The following TOP2B variants were observed in gnomAD, a reference collection of about 807,000 sequenced individuals.
TOP2B encodes DNA topoisomerase II beta, also known as DNA topoisomerase 2-beta.
In TOP2B, 51 loss-of-function variants were observed where a neutral mutation model predicts 193.5. The observed-to-expected ratio is 0.26, with a 90% CI of 0.21 to 0.33. TOP2B has a LOEUF of 0.33. Among genes scored for constraint, TOP2B ranks in the 10% least tolerant of loss-of-function variants. The pLI is 1.00. For missense variants in TOP2B, 1,378 were observed against 1,909.3 expected, an observed-to-expected ratio of 0.72 and a Z score of 5.19; for synonymous variants, 634 against 635.7, an observed-to-expected ratio of 1.00 and a Z score of 0.04.
intron 10 of TOP2B, 42 bp from the exon 11 acceptor site, chr3:25,630,981 T>C: frequency 6.5e-7 from 1 of 1,529,298 alleles, no homozygotes; most frequent in Non-Finnish European, 8.7e-7. Context: ...AGCTGAAAAT[T>C]CATACATTTA....
At chr3:25,621,527 A>C (rs569075534) in intron 21 of TOP2B, among the ~76,000 whole-genome samples, 3 of 152,076 alleles carry the variant, frequency 2.0e-5, no homozygotes, top group Non-Finnish European at 4.4e-5. Flanking sequence ...ATGTCCAGCT[A>C]ATTTTTGTAT....
Position 25,612,495 on chromosome 3 carries a change from T to A in TOP2B, c.3786+20A>T, listed in dbSNP as rs1483074687. On this transcript the variant is annotated intron_variant, in intron 28 of 35. Coordinates refer to ENST00000264331, the MANE Select transcript of TOP2B (RefSeq NM_001330700.2). The stretch of plus-strand genomic sequence containing the variant: ...TTCATTATAGAAATGAGTCTATCAA[T>A]GACAAGAGGTATGTCATACCTTCTT... The A allele has an allele frequency of 3.8e-6, 6 of 1,560,826 alleles. No homozygotes were observed. The highest frequency in any genetic ancestry group is 1.8e-5 in the Admixed American group (1 of 54,778).
chr3:25,600,978 T>C (rs1702076834), intron 34 of TOP2B, 122 bp downstream of exon 34: 1 of 965,562 alleles, frequency 1.0e-6, no homozygotes, highest in South Asian at 1.7e-5. Flanking sequence ...CACTGCTTAC[T>C]GAGGAGTAAA....
At chr3:25,650,400 T>A (rs969393880) in intron 1 of TOP2B, among the ~76,000 whole-genome samples, 1 of 152,226 alleles carries the variant, frequency 6.6e-6, no homozygotes, top group Non-Finnish European at 1.5e-5. Flanking sequence ...CTTCCACCTC[T>A]TAGTAGCCAT....
chr3:25,624,373 G>C lies in TOP2B; in HGVS notation c.2419C>G (p.Pro807Ala), dbSNP rs1702739824. ...AGCCGAGTTCCAAACTGACCAATAG[G>C]CTGAAGCAAGTTAATGTTGTTACTT... ...VGSNNINLLQ[P>A]IGQFGTRLHG... is the part of the protein sequence containing the mutation. The change falls in exon 20 of 36, where the codon CCT (proline) becomes GCT (alanine). Residue 807 changes from proline (P) to alanine (A), a missense_variant. Coordinates refer to ENST00000264331, the MANE Select transcript of TOP2B (RefSeq NM_001330700.2). 6.2e-7 allele frequency: 1 copy of C among 1,613,886 alleles called. No homozygotes were observed. The highest frequency in any genetic ancestry group is 8.5e-7 in the Non-Finnish European group (1 of 1,179,840).
intron 1 of TOP2B, among the ~76,000 whole-genome samples, chr3:25,653,252 G>C (rs1454195371): frequency 1.3e-5 from 2 of 152,092 alleles, no homozygotes; most frequent in Non-Finnish European, 1.5e-5. Flanking sequence ...ATGAGGGGCA[G>C]GGAACACTTC....
intron 2 of TOP2B, among the ~76,000 whole-genome samples, chr3:25,644,826 G>A (rs1176449591): frequency 1.3e-5 from 2 of 151,540 alleles, no homozygotes; most frequent in South Asian, 2.1e-4. Context: ...ATGGAGTCTC[G>A]CCCTGTCGCC....
intron 15 of TOP2B, among the ~76,000 whole-genome samples, chr3:25,628,398 C>T (rs1370106190): frequency 6.6e-6 from 1 of 151,768 alleles, no homozygotes; most frequent in African/African-American, 2.4e-5. Context: ...ATCATTTGAG[C>T]CCGGAAAGTC....
At position 25,636,216 on chromosome 3, in the gene TOP2B, T is replaced by C. The variant is rs975919700; in HGVS notation, c.640-68A>G. 17 of 909,490 alleles carry C rather than the reference T, an allele frequency of 1.9e-5. No individual in the cohort carries two copies. In the African/African-American group the frequency reaches 2.7e-4, roughly 14 times the overall value. 56.3% of individuals were successfully genotyped at this position (909,490 alleles called of 1,614,324 possible). A position where few individuals can be genotyped will look rare whatever the true frequency, so the allele number is the denominator to read the frequency against. The stretch of plus-strand genomic sequence containing the variant: ...ATCTCATAATATATAAAGACTACAC[T>C]CATTAAATTCATTCATTTATCAAAC... On this transcript the variant is annotated intron_variant, in intron 6 of 35. Transcript: ENST00000264331.
At chr3:25,612,296 T>C (rs1227727171) in intron 28 of TOP2B, among the ~76,000 whole-genome samples, 3 of 152,196 alleles carry the variant, frequency 2.0e-5, no homozygotes, top group Non-Finnish European at 2.9e-5. Flanking sequence ...CTATTTCTCA[T>C]TTTAAAAGCT....
At chr3:25,646,209 T>G (rs2125398104) in intron 1 of TOP2B, among the ~76,000 whole-genome samples, 1 of 152,280 alleles carries the variant, frequency 6.6e-6, no homozygotes, top group South Asian at 2.1e-4. Context: ...ATTAAGCTAC[T>G]GAAGACTACA....
At chr3:25,623,097 T>C (rs77106896) in intron 21 of TOP2B, among the ~76,000 whole-genome samples, 2,733 of 152,314 alleles carry the variant, frequency 0.018, 37 homozygotes, top group Middle Eastern at 0.044. Flanking sequence ...TATTAAAATA[T>C]ATACAAGGTA....
intron 11 of TOP2B, 62 bp downstream of exon 11, chr3:25,630,739 A>T (rs1575575602): frequency 3.6e-6 from 5 of 1,394,714 alleles, no homozygotes; most frequent in South Asian, 1.7e-5. Flanking sequence ...AAATAAAAAA[A>T]TTCTGTAACT....
At chr3:25,645,733 T>G (rs1463165485) in intron 1 of TOP2B, among the ~76,000 whole-genome samples, 2 of 151,984 alleles carry the variant, frequency 1.3e-5, no homozygotes, top group African/African-American at 2.4e-5. Context: ...TACAAACATT[T>G]CCCAATTCTG....
Position 25,630,429 on chromosome 3 carries a change from C to T in TOP2B, c.1446G>A (p.Glu482=). 1.3e-6 allele frequency: 2 copies of T among 1,553,010 alleles called. No homozygotes were observed. The highest frequency in any genetic ancestry group is 1.7e-6 in the Non-Finnish European group (2 of 1,147,374). Residue 482 remains glutamate, a synonymous_variant, in exon 12 of 36, where the codon GAG becomes GAA. Coordinates refer to ENST00000264331, the MANE Select transcript of TOP2B (RefSeq NM_001330700.2). ...CAGCCAGTGATTTGGCAGAGTCTCC[C>T]TCTGTTAATATCAGTGTACACTCCA... ...HSLECTLILT[E]GDSAKSLAVS... is the part of the protein sequence containing the mutation.
rs751063684 is a variant in TOP2B, at chr3:25,601,094, C to A, written c.4615+6G>T. 1 of 1,612,854 alleles carries A rather than the reference C, an allele frequency of 6.2e-7. No individual in the cohort carries two copies. The highest frequency in any genetic ancestry group is 2.2e-5 in the East Asian group (1 of 44,846). ...GTTTAAAGGGTTATAAGAAGATAAT[C>A]CTCACCTTTTGGTGTTGTAGTCTTC... is the stretch of plus-strand genomic sequence containing the variant. On this transcript the variant is annotated splice_donor_region_variant and intron_variant, in intron 34 of 35. Coordinates refer to ENST00000264331, the MANE Select transcript of TOP2B (RefSeq NM_001330700.2).
At chr3:25,632,841 G>A in intron 8 of TOP2B, 47 bp from the exon 9 acceptor site, 6 of 1,464,362 alleles carry the variant, frequency 4.1e-6, no homozygotes, top group Non-Finnish European at 5.7e-6. Context: ...TATTGTTAAA[G>A]TAGCAAAATA....
intron 10 of TOP2B, 109 bp downstream of exon 10, chr3:25,632,337 T>C (rs1702984226): frequency 3.3e-6 from 3 of 921,372 alleles, no homozygotes; most frequent in Non-Finnish European, 3.3e-6. Flanking sequence ...AGCATGCTTA[T>C]ACCCACAGTT....
At chr3:25,600,012 C>T (rs1702050027) in intron 34 of TOP2B, among the ~76,000 whole-genome samples, 1 of 152,188 alleles carries the variant, frequency 6.6e-6, no homozygotes, top group Non-Finnish European at 1.5e-5. Flanking sequence ...CTCCGTTTTA[C>T]TTATCAAAGA....
Sources: gnomAD v4.1 joint callset for allele counts (sites outside exome capture counted in the v4.1 genomes callset) on GRCh38, gnomAD v4.1.1 for gene constraint, MANE v1.5 for transcripts, NCBI Gene and HGNC (gene_info 2026-07-23, HGNC 2026-07-21) for gene names.